TRIO: variants seen among roughly 807,000 people sequenced by gnomAD.
TRIO encodes triple functional domain protein.
TRIO carries 58 observed loss-of-function variants against 351.9 expected under a neutral mutation model. That is an observed-to-expected ratio of 0.16 (90% CI 0.13 to 0.21). The LOEUF is 0.21. Among genes scored for constraint, TRIO ranks in the 10% least tolerant of loss-of-function variants. The pLI is 1.00. For synonymous variants in TRIO, 1,758 were observed against 1,595.7 expected (o/e 1.10, Z -2.42); for missense variants, 3,201 against 4,027.8 (o/e 0.79, Z 5.56).
chr5:14,337,113 A>G (rs886863055), intron 11 of TRIO, among the ~76,000 whole-genome samples: 1 of 152,202 alleles, frequency 6.6e-6, no homozygotes, highest in African/African-American at 2.4e-5. Flanking sequence ...GACTTCTCTC[A>G]GATGCTAGTA....
intron 34 of TRIO, among the ~76,000 whole-genome samples, chr5:14,442,356 G>A (rs1010386398): frequency 2.6e-5 from 4 of 152,132 alleles, no homozygotes; most frequent in African/African-American, 4.8e-5. Context: ...AGGGTCTTTC[G>A]GGGTGCAGGG....
At chr5:14,502,881 C>T (rs953540046) in intron 54 of TRIO, among the ~76,000 whole-genome samples, 2 of 152,234 alleles carry the variant, frequency 1.3e-5, no homozygotes, top group Non-Finnish European at 2.9e-5. Context: ...TGCCACCAGT[C>T]ACCCCTCAAT....
At chr5:14,408,150 T>G (rs1748887307) in intron 33 of TRIO, among the ~76,000 whole-genome samples, 1 of 152,132 alleles carries the variant, frequency 6.6e-6, no homozygotes, top group Middle Eastern at 3.2e-3. Flanking sequence ...CAGAGTCCAG[T>G]ATTTGGAAGG....
At chr5:14,503,654 C>T (rs891894818) in intron 54 of TRIO, among the ~76,000 whole-genome samples, 5 of 152,230 alleles carry the variant, frequency 3.3e-5, no homozygotes, top group Non-Finnish European at 7.3e-5. Context: ...GAACGACCAA[C>T]GTCCTCCACA....
chr5:14,419,059 GAGA>G (rs1289750449), intron 33 of TRIO, among the ~76,000 whole-genome samples: 1 of 152,094 alleles, frequency 6.6e-6, no homozygotes, highest in Non-Finnish European at 1.5e-5. Flanking sequence ...GGTAAAAGGA[GAGA>G]AGGAGGGAAA....
intron 1 of TRIO, among the ~76,000 whole-genome samples, chr5:14,230,554 C>T (rs1486977411): frequency 6.6e-6 from 1 of 152,036 alleles, no homozygotes; most frequent in South Asian, 2.1e-4. Context: ...GCAGAGGAAC[C>T]GCAGAGGGAT....
intron 1 of TRIO, among the ~76,000 whole-genome samples, chr5:14,192,688 G>A (rs569949723): frequency 1.0e-3 from 154 of 152,324 alleles, no homozygotes; most frequent in Admixed American, 2.2e-3. Flanking sequence ...GAATACAAGA[G>A]AGGAAGGTCT....
chr5:14,473,722 T>G (rs1754845901), intron 39 of TRIO, among the ~76,000 whole-genome samples: 1 of 152,274 alleles, frequency 6.6e-6, no homozygotes, highest in African/African-American at 2.4e-5. Flanking sequence ...TTTACATTTA[T>G]TTAAACTTCT....
chr5:14,420,019 A>G lies in TRIO; in HGVS notation c.5201A>G (p.Lys1734Arg), dbSNP rs1163580196. Residue 1734 changes from lysine (K) to arginine (R), a missense_variant and splice_region_variant, in exon 34 of 57, where the codon AAA becomes AGA. Around this residue, in one of 19 missense-constraint regions of TRIO, gnomAD observed 193 missense variants for 218.8 expected, o/e 0.88. Coordinates refer to ENST00000344204, the MANE Select transcript of TRIO (RefSeq NM_007118.4). The stretch of plus-strand genomic sequence containing the variant: ...GAAATGGAGGGCATCTTCAACCACA[A>G]AGGTAGGAATCAGTGGGGCATGGGT... ...SMEMEGIFNH[K>R]DSLSVSSNDA... is the part of the protein sequence containing the mutation. 1.9e-6 allele frequency: 3 copies of G among 1,612,012 alleles called. No individual in the cohort carries two copies. Among genetic ancestry groups the G allele is most frequent in the Non-Finnish European group, 2.5e-6 (3 of 1,178,372 alleles).
At chr5:14,267,706 A>G (rs1375066780) in intron 1 of TRIO, among the ~76,000 whole-genome samples, 2 of 151,996 alleles carry the variant, frequency 1.3e-5, no homozygotes, top group Non-Finnish European at 2.9e-5. Flanking sequence ...AAAGTTACAT[A>G]TGATATATTT....
intron 34 of TRIO, among the ~76,000 whole-genome samples, chr5:14,430,972 A>C (rs1751067202): frequency 6.6e-6 from 1 of 152,178 alleles, no homozygotes; most frequent in Non-Finnish European, 1.5e-5. Context: ...TCGACTTCCC[A>C]AAGTGCTGGG....
intron 9 of TRIO, among the ~76,000 whole-genome samples, chr5:14,318,855 T>G (rs1210584318): frequency 6.6e-6 from 1 of 152,238 alleles, no homozygotes; most frequent in Non-Finnish European, 1.5e-5. Flanking sequence ...ATCCGTGGAC[T>G]GATGCACTTC....
chr5:14,332,919 T>C (rs550662291), intron 10 of TRIO, among the ~76,000 whole-genome samples: 2 of 152,294 alleles, frequency 1.3e-5, no homozygotes, highest in South Asian at 4.2e-4. Flanking sequence ...TTCAGATCTT[T>C]TGGTGAATAC....
At chr5:14,400,487 T>C (rs1747980390) in intron 30 of TRIO, among the ~76,000 whole-genome samples, 1 of 152,172 alleles carries the variant, frequency 6.6e-6, no homozygotes, top group African/African-American at 2.4e-5. Flanking sequence ...AAATTATTGA[T>C]GAAATACTAA....
chr5:14,254,706 A>G (rs555573190), intron 1 of TRIO, among the ~76,000 whole-genome samples: 71 of 152,330 alleles, frequency 4.7e-4, no homozygotes, highest in African/African-American at 1.7e-3. Context: ...TGTATATGAA[A>G]TAGGCTTTGG....
chr5:14,462,642 T>A, intron 35 of TRIO, 113 bp from the exon 36 acceptor site: 1 of 1,414,580 alleles, frequency 7.1e-7, no homozygotes, highest in South Asian at 1.3e-5. Flanking sequence ...ATAGCTTTGT[T>A]CCTGATTTCT....
intron 1 of TRIO, among the ~76,000 whole-genome samples, chr5:14,225,529 A>T (rs1021110187): frequency 6.6e-6 from 1 of 152,078 alleles, no homozygotes; most frequent in African/African-American, 2.4e-5. Flanking sequence ...TGTAGGACTG[A>T]GGTCCCAGGG....
chr5:14,480,564 A>G (rs952914707), intron 43 of TRIO, among the ~76,000 whole-genome samples: 2 of 152,218 alleles, frequency 1.3e-5, no homozygotes, highest in African/African-American at 4.8e-5. Flanking sequence ...TAAATTCTTA[A>G]GCATAACCGA....
At chr5:14,253,430 G>A (rs375226102) in intron 1 of TRIO, among the ~76,000 whole-genome samples, 41 of 152,226 alleles carry the variant, frequency 2.7e-4, no homozygotes, top group Middle Eastern at 3.4e-3. Context: ...ATCTTGGTGC[G>A]CTGCACCCTC....
Sources: gnomAD v4.1 joint callset for allele counts (sites outside exome capture counted in the v4.1 genomes callset) on GRCh38, gnomAD v4.1.1 for gene constraint, gnomAD v4.1.1 regional missense constraint, MANE v1.5 for transcripts, NCBI Gene and HGNC (gene_info 2026-07-23, HGNC 2026-07-21) for gene names.